Variants in NR3C1 observed in about 807,000 individuals in gnomAD.
NR3C1 encodes nuclear receptor subfamily 3 group C member 1, also known as glucocorticoid receptor.
NR3C1 carries 14 observed loss-of-function variants against 74.0 expected under a neutral mutation model. That is an observed-to-expected ratio of 0.19 (90% CI 0.12 to 0.30). The LOEUF is 0.30. Among genes scored for constraint, NR3C1 ranks in the 10% least tolerant of loss-of-function variants. The pLI is 1.00. For missense variants in NR3C1, 695 were observed against 909.8 expected (o/e 0.76, Z 3.04); for synonymous variants, 308 against 332.5 (o/e 0.93, Z 0.80).
At chr5:143,404,402 G>T, upstream of NR3C1, 1 of 985,508 alleles carries the variant, frequency 1.0e-6, no homozygotes, top group South Asian at 4.7e-5. Flanking sequence ...GTCGCGTGCC[G>T]GCAGGTCCCC....
chr5:143,429,133 G>A (rs1751684982), intron 1 of NR3C1, among the ~76,000 whole-genome samples: 1 of 152,160 alleles, frequency 6.6e-6, no homozygotes, highest in African/African-American at 2.4e-5. Flanking sequence ...AGTAACAGAT[G>A]TGTACCACTC....
intron 5 of NR3C1, among the ~76,000 whole-genome samples, chr5:143,299,107 C>T (rs1252432780): frequency 2.6e-5 from 4 of 151,018 alleles, no homozygotes; most frequent in Admixed American, 1.3e-4. Flanking sequence ...CTCCGCCTCC[C>T]GGGTTCAAGT....
chr5:143,346,679 AAT>A (rs1829352095), intron 2 of NR3C1, among the ~76,000 whole-genome samples: 1 of 152,238 alleles, frequency 6.6e-6, no homozygotes, highest in African/African-American at 2.4e-5. Flanking sequence ...ATATTCCTAA[AAT>A]ATGTTAACAA....
chr5:143,379,761 T>G (rs1835852231), intron 2 of NR3C1, among the ~76,000 whole-genome samples: 1 of 152,216 alleles, frequency 6.6e-6, no homozygotes, highest in Non-Finnish European at 1.5e-5. Flanking sequence ...AAGGGCAGCC[T>G]ACTTTCACCA....
intron 1 of NR3C1, among the ~76,000 whole-genome samples, chr5:143,409,779 C>A (rs61757450): frequency 1.3e-5 from 2 of 152,146 alleles, no homozygotes; most frequent in Non-Finnish European, 2.9e-5. Context: ...CTTTGGTATT[C>A]CTCGTTGTAA....
chr5:143,324,968 G>A (rs1824243034), intron 2 of NR3C1, among the ~76,000 whole-genome samples: 1 of 152,178 alleles, frequency 6.6e-6, no homozygotes, highest in Admixed American at 6.5e-5. Flanking sequence ...GGATCTTATT[G>A]TTCATATCAC....
At chr5:143,368,532 G>GAC (rs1833671170) in intron 2 of NR3C1, among the ~76,000 whole-genome samples, 1 of 128,644 alleles carries the variant, frequency 7.8e-6, no homozygotes. Context: ...ATATATTCTA[G>GAC]ATACACACAC....
At chr5:143,290,919 T>C (rs564201883) in intron 7 of NR3C1, among the ~76,000 whole-genome samples, 6 of 152,222 alleles carry the variant, frequency 3.9e-5, no homozygotes, top group Non-Finnish European at 8.8e-5. Flanking sequence ...GCTGTACTAA[T>C]GTACCTTATC....
chr5:143,389,446 G>A (rs1241833082), intron 2 of NR3C1, among the ~76,000 whole-genome samples: 1 of 152,072 alleles, frequency 6.6e-6, no homozygotes, highest in Non-Finnish European at 1.5e-5. Context: ...GAAACACTGA[G>A]GCATACAAAA....
chr5:143,292,096 C>G (rs11750172), intron 7 of NR3C1, among the ~76,000 whole-genome samples: 24,284 of 152,140 alleles, frequency 0.16, 2,376 homozygotes, highest in Middle Eastern at 0.26. Context: ...TCATGCTAAT[C>G]TGGCTAGGAG....
At chr5:143,422,516 C>T (rs532434364) in intron 1 of NR3C1, among the ~76,000 whole-genome samples, 7 of 152,236 alleles carry the variant, frequency 4.6e-5, no homozygotes, top group Admixed American at 2.6e-4. Context: ...GGAGGTGGAA[C>T]CTTTGGGAGG....
At chr5:143,397,296 G>A (rs1361795129) in intron 2 of NR3C1, among the ~76,000 whole-genome samples, 4 of 151,620 alleles carry the variant, frequency 2.6e-5, no homozygotes, top group Non-Finnish European at 4.4e-5. Flanking sequence ...ATTTTTCTTC[G>A]TAAAGTCAGA....
chr5:143,388,165 T>C (rs1035805651), intron 2 of NR3C1, among the ~76,000 whole-genome samples: 5 of 152,192 alleles, frequency 3.3e-5, no homozygotes, highest in African/African-American at 1.2e-4. Flanking sequence ...TTCTAAGAAA[T>C]TATGAAAAGC....
intron 1 of NR3C1, chr5:143,402,710 C>T: frequency 2.0e-6 from 2 of 985,384 alleles, no homozygotes; most frequent in Non-Finnish European, 2.4e-6. Flanking sequence ...CCTCACGCGC[C>T]CCGCACGCCC....
At chr5:143,349,128 G>A (rs1829804822) in intron 2 of NR3C1, among the ~76,000 whole-genome samples, 1 of 152,098 alleles carries the variant, frequency 6.6e-6, no homozygotes, top group African/African-American at 2.4e-5. Flanking sequence ...TGATCCTACT[G>A]TCTTTTTGTG....
chr5:143,402,812 T>G, intron 1 of NR3C1: 1 of 985,306 alleles, frequency 1.0e-6, no homozygotes, highest in South Asian at 4.7e-5. Flanking sequence ...GCGAGTAAAA[T>G]TCAGACGCGG....
At chr5:143,353,869 C>T (rs1830645293) in intron 2 of NR3C1, among the ~76,000 whole-genome samples, 1 of 152,178 alleles carries the variant, frequency 6.6e-6, no homozygotes, top group Non-Finnish European at 1.5e-5. Flanking sequence ...TCAGCCTGTC[C>T]TCTGAAGCCA....
At chr5:143,288,889 T>C (rs1562709801) in intron 7 of NR3C1, among the ~76,000 whole-genome samples, 1 of 151,902 alleles carries the variant, frequency 6.6e-6, no homozygotes, top group Non-Finnish European at 1.5e-5. Context: ...GTGGATCACC[T>C]GAGGTCAGGG....
intron 2 of NR3C1, among the ~76,000 whole-genome samples, chr5:143,354,030 T>C (rs890901332): frequency 6.6e-5 from 10 of 152,242 alleles, no homozygotes; most frequent in African/African-American, 2.4e-4. Context: ...ACTTGCTGCT[T>C]CACCTTACAC....
Sources: gnomAD v4.1 joint callset for allele counts (sites outside exome capture counted in the v4.1 genomes callset) on GRCh38, gnomAD v4.1.1 for gene constraint, MANE v1.5 for transcripts, NCBI Gene and HGNC (gene_info 2026-07-23, HGNC 2026-07-21) for gene names.